CBFA2T2: variants seen among roughly 807,000 people sequenced by gnomAD.
CBFA2T2 encodes CBFA2/RUNX1 partner transcriptional co-repressor 2, also known as protein CBFA2T2.
In CBFA2T2, 11 loss-of-function variants were observed where a neutral mutation model predicts 62.2. That is an observed-to-expected ratio of 0.18 (90% confidence interval 0.11 to 0.29). The LOEUF (loss-of-function observed/expected upper bound fraction) is 0.29, where lower values mean the gene tolerates loss of function less well. Ranked by LOEUF, CBFA2T2 falls within the 10% of genes least tolerant of loss-of-function variation. The pLI is 1.00. For synonymous variants in CBFA2T2, 295 were observed against 287.5 expected (o/e 1.03, Z -0.27); for missense variants, 592 against 774.1 (o/e 0.76, Z 2.79).
At position 33,589,901 on chromosome 20, in the gene CBFA2T2, A is replaced by G. The variant is rs192430146; in HGVS notation, c.35-17055A>G. 3.5e-4 allele frequency among the ~76,000 whole-genome samples: 54 copies of G among 152,292 alleles called. 1 individual carries two copies. The East Asian group carries it at 9.8e-3, about 28-fold the overall frequency. ...ATGTTTAATATACTAAGAAATTTCA[A>G]TATATAATCATTATAAAATTATTAA... On this transcript the variant is annotated intron_variant, in intron 1 of 10. Transcript: ENST00000342704.
At chr20:33,603,304 T>G (rs1601046330) in intron 1 of CBFA2T2, among the ~76,000 whole-genome samples, 1 of 152,220 alleles carries the variant, frequency 6.6e-6, no homozygotes, top group South Asian at 2.1e-4. Context: ...TCATCTGTTT[T>G]CTGTTTTCAG....
At chr20:33,573,957 T>C (rs1243415700) in intron 1 of CBFA2T2, 2 of 175,770 alleles carry the variant, frequency 1.1e-5, no homozygotes, top group Non-Finnish European at 2.2e-5. Flanking sequence ...ATTTTTCTTA[T>C]TTTTTTTTTT....
intron 1 of CBFA2T2, among the ~76,000 whole-genome samples, chr20:33,549,937 G>T (rs925231025): frequency 6.6e-6 from 1 of 150,494 alleles, no homozygotes; most frequent in Non-Finnish European, 1.5e-5. Flanking sequence ...AACACTGGCA[G>T]TTGGGGTTCA....
At chr20:33,575,525 T>C (rs1369211897) in intron 1 of CBFA2T2, among the ~76,000 whole-genome samples, 1 of 152,196 alleles carries the variant, frequency 6.6e-6, no homozygotes, top group Non-Finnish European at 1.5e-5. Context: ...TCTGTCTTAA[T>C]AGAAAAGATA....
At chr20:33,541,415 T>C (rs1436157376) in intron 1 of CBFA2T2, among the ~76,000 whole-genome samples, 1 of 152,226 alleles carries the variant, frequency 6.6e-6, no homozygotes, top group Non-Finnish European at 1.5e-5. Context: ...AAATTGTATA[T>C]GGGTGTATGG....
rs1321591872 is a variant in CBFA2T2 at position 33,545,005 on chromosome 20, T to TAGAACAGAACAGAACAGAACAGAAC, written c.34+54708_34+54709insCAGAACAGAACAGAACAGAACAGAA. ...TAGAATAGAATAGAATAGAATAGAA[T>TAGAACAGAACAGAACAGAACAGAAC]AGAATAGAACAGAACAGAATGCAAG... is the stretch of plus-strand genomic sequence containing the variant. On this transcript the variant is annotated intron_variant, in intron 1 of 10. Coordinates refer to ENST00000342704, the MANE Select transcript of CBFA2T2 (RefSeq NM_001032999.3). 1.9e-3 allele frequency among the ~76,000 whole-genome samples: 245 copies of TAGAACAGAACAGAACAGAACAGAAC among 128,940 alleles called. 1 individual carries two copies. Among genetic ancestry groups the TAGAACAGAACAGAACAGAACAGAAC allele is most frequent in the African/African-American group, 4.8e-3 (170 of 35,330 alleles). The allele number at this position is 128,940 out of a possible 152,430, so 84.6% of individuals were successfully genotyped here.
chr20:33,621,094 C>T (rs1208257639), intron 4 of CBFA2T2, among the ~76,000 whole-genome samples: 1 of 152,040 alleles, frequency 6.6e-6, no homozygotes, highest in Non-Finnish European at 1.5e-5. Flanking sequence ...GTGATCTTGA[C>T]GTTTTTACAG....
intron 1 of CBFA2T2, chr20:33,600,482 C>T (rs2015089264): frequency 4.8e-6 from 2 of 414,162 alleles, no homozygotes. Context: ...GCCACTGCAC[C>T]CGGCCTGGAA....
intron 1 of CBFA2T2, among the ~76,000 whole-genome samples, chr20:33,495,162 C>A (rs949127041): frequency 1.3e-5 from 2 of 151,736 alleles, no homozygotes; most frequent in Non-Finnish European, 2.9e-5. Context: ...TTTGGAAGGT[C>A]GAGGTGGGCG....
At chr20:33,511,647 CAA>C (rs2011514254) in intron 1 of CBFA2T2, among the ~76,000 whole-genome samples, 1 of 152,242 alleles carries the variant, frequency 6.6e-6, no homozygotes, top group East Asian at 1.9e-4. Context: ...ATTAAATAGA[CAA>C]AATGCATAAA....
At chr20:33,623,778 T>A in intron 5 of CBFA2T2, 1 of 713,938 alleles carries the variant, frequency 1.4e-6, no homozygotes, top group Admixed American at 2.1e-5. Context: ...CCTAGCTGCA[T>A]AATACATCTA....
At position 33,636,634 on chromosome 20, in the gene CBFA2T2, C is replaced by T. The variant is rs774864446; in HGVS notation, c.1229-6C>T. ...TGACCCTATGCTTTTTATGTCTCTT[C>T]TGCAGATTCTCAGAGAGAGTTCAAC... On this transcript the variant is annotated splice_region_variant and splice_polypyrimidine_tract_variant and intron_variant, in intron 8 of 10. Coordinates refer to ENST00000342704, the MANE Select transcript of CBFA2T2 (RefSeq NM_001032999.3). The T allele has an allele frequency of 7.4e-6, 12 of 1,611,830 alleles. No individual in the cohort carries two copies. Among genetic ancestry groups the T allele is most frequent in the African/African-American group, 2.7e-5 (2 of 74,842 alleles).
chr20:33,567,718 G>A (rs1294022628), intron 1 of CBFA2T2, among the ~76,000 whole-genome samples: 1 of 152,006 alleles, frequency 6.6e-6, no homozygotes, highest in Non-Finnish European at 1.5e-5. Context: ...AAGTAGCTGG[G>A]ATTACAGGCA....
chr20:33,588,205 A>AT (rs1264679708), intron 1 of CBFA2T2, among the ~76,000 whole-genome samples: 1 of 151,994 alleles, frequency 6.6e-6, no homozygotes, highest in Non-Finnish European at 1.5e-5. Flanking sequence ...CTTTATTATT[A>AT]TTTTTTGTGT....
intron 1 of CBFA2T2, among the ~76,000 whole-genome samples, chr20:33,573,083 TCATC>T (rs2013641273): frequency 6.6e-6 from 1 of 152,334 alleles, no homozygotes; most frequent in Admixed American, 6.5e-5. Flanking sequence ...TCCTTATTAT[TCATC>T]CATTCATTTG....
intron 1 of CBFA2T2, among the ~76,000 whole-genome samples, chr20:33,505,581 C>T (rs1192972286): frequency 3.3e-5 from 5 of 151,754 alleles, no homozygotes; most frequent in African/African-American, 7.3e-5. Context: ...GTCAGGAGTT[C>T]GAGACCAGCC....
At chr20:33,595,314 T>G (rs1433592646) in intron 1 of CBFA2T2, among the ~76,000 whole-genome samples, 1 of 150,830 alleles carries the variant, frequency 6.6e-6, no homozygotes, top group Admixed American at 6.6e-5. Flanking sequence ...TGGGTTCATG[T>G]GATTCTCCAG....
At chr20:33,571,502 C>T (rs1302754396) in intron 1 of CBFA2T2, among the ~76,000 whole-genome samples, 2 of 152,130 alleles carry the variant, frequency 1.3e-5, no homozygotes, top group East Asian at 3.8e-4. Context: ...AGTCTTAGAA[C>T]ACTTCAAATT....
At chr20:33,492,901 G>A (rs1383665090) in intron 1 of CBFA2T2, among the ~76,000 whole-genome samples, 1 of 151,854 alleles carries the variant, frequency 6.6e-6, no homozygotes, top group Non-Finnish European at 1.5e-5. Flanking sequence ...GGGATTACAG[G>A]TGCTCACCAC....
Sources: allele counts gnomAD v4.1 joint callset (sites outside exome capture counted in the v4.1 genomes callset), GRCh38; gene constraint gnomAD v4.1.1; transcripts MANE v1.5; gene names NCBI Gene and HGNC (gene_info 2026-07-23, HGNC 2026-07-21).